The following SIPA1L1 variants were observed in gnomAD, a reference collection of about 807,000 sequenced individuals.
The protein encoded by SIPA1L1 is signal-induced proliferation-associated 1-like protein 1.
A neutral mutation model predicts 162.7 loss-of-function variants in SIPA1L1; 26 were observed. The ratio of observed to expected loss-of-function variants is 0.16; its 90% CI spans 0.12 to 0.22. SIPA1L1 has a LOEUF of 0.22. Ranked by LOEUF, SIPA1L1 falls within the 10% of genes least tolerant of loss-of-function variation. The pLI, the probability that SIPA1L1 is intolerant of heterozygous loss-of-function variation, is 1.00. For missense variants in SIPA1L1, 1,874 were observed against 2,241.0 expected (o/e 0.84, Z 3.31); for synonymous variants, 829 against 837.4 (o/e 0.99, Z 0.17).
In SIPA1L1 at chr14:71,491,951, T is replaced by C. The variant is rs996208310; in HGVS notation, c.-464-20792T>C. Among the ~76,000 whole-genome samples the C allele has an allele frequency of 1.3e-5, 2 of 152,074 alleles. 1 individual carries two copies. Among genetic ancestry groups the C allele is most frequent in the South Asian group, 4.2e-4 (2 of 4,816 alleles). On this transcript the variant is annotated intron_variant, in intron 2 of 23. Transcript: ENST00000381232. ...TCGGGTTGTGCGTGTGTGGGAAAAA[T>C]GCTGTCCTGTTTCTGCTAATCCAAG...
intron 2 of SIPA1L1, among the ~76,000 whole-genome samples, chr14:71,465,427 C>T (rs1008320697): frequency 2.0e-5 from 3 of 152,206 alleles, no homozygotes; most frequent in Admixed American, 6.5e-5. Flanking sequence ...AACTTAGGAG[C>T]AACCAACCAG....
chr14:71,646,103 G>C lies in SIPA1L1; in HGVS notation c.1819-4232G>C, dbSNP rs566657038. On this transcript the variant is annotated intron_variant, in intron 7 of 23. Transcript: ENST00000381232. Reference sequence around the variant, plus strand: ...CATCTCTTTCTTCTGGTACAGGGCTGTGACTTTATCGTCCATCTTTCCAGG... The same window carrying C: ...CATCTCTTTCTTCTGGTACAGGGCTCTGACTTTATCGTCCATCTTTCCAGG... Among the ~76,000 whole-genome samples the C allele has an allele frequency of 2.0e-5, 3 of 151,972 alleles. No individual in the cohort carries two copies. In the South Asian group the frequency reaches 6.2e-4, roughly 32 times the overall value.
chr14:71,676,652 T>C (rs1416785653), intron 12 of SIPA1L1, among the ~76,000 whole-genome samples: 1 of 118,578 alleles, frequency 8.4e-6, no homozygotes, highest in Non-Finnish European at 1.6e-5. Flanking sequence ...CAGGCCCCAG[T>C]GTGTGCTGTT....
chr14:71,479,382 T>C (rs968102583), intron 2 of SIPA1L1, among the ~76,000 whole-genome samples: 2 of 152,072 alleles, frequency 1.3e-5, no homozygotes, highest in African/African-American at 4.8e-5. Flanking sequence ...TGTGTGTATA[T>C]ATGTATGTAT....
At chr14:71,635,166 G>A (rs1312729926) in intron 7 of SIPA1L1, among the ~76,000 whole-genome samples, 1 of 150,802 alleles carries the variant, frequency 6.6e-6, no homozygotes, top group African/African-American at 2.4e-5. Context: ...ATAATCCCAG[G>A]TACTCGGGAG....
intron 2 of SIPA1L1, among the ~76,000 whole-genome samples, chr14:71,463,644 C>T (rs1426990377): frequency 6.6e-6 from 1 of 152,174 alleles, no homozygotes; most frequent in Non-Finnish European, 1.5e-5. Flanking sequence ...GGGACCCGGC[C>T]TCCCCTTCAT....
chr14:71,633,997 A>G (rs913878457), intron 7 of SIPA1L1, among the ~76,000 whole-genome samples: 1 of 152,126 alleles, frequency 6.6e-6, no homozygotes, highest in African/African-American at 2.4e-5. Context: ...CCCAAACAGT[A>G]TAAATCCAAA....
chr14:71,704,185 A>G (rs2082284785), intron 15 of SIPA1L1, among the ~76,000 whole-genome samples: 1 of 152,210 alleles, frequency 6.6e-6, no homozygotes, highest in Non-Finnish European at 1.5e-5. Context: ...CCTAACTGGC[A>G]CATCAGAAGG....
At chr14:71,670,911 A>G (rs1028988743) in intron 10 of SIPA1L1, among the ~76,000 whole-genome samples, 6 of 152,218 alleles carry the variant, frequency 3.9e-5, no homozygotes, top group African/African-American at 9.7e-5. Context: ...TTTTTGGCCT[A>G]GAAAAAAAAT....
At chr14:71,473,803 G>A (rs1236156614) in intron 2 of SIPA1L1, among the ~76,000 whole-genome samples, 1 of 152,172 alleles carries the variant, frequency 6.6e-6, no homozygotes, top group Non-Finnish European at 1.5e-5. Context: ...AAGGAGTCTA[G>A]AACTATGTTT....
chr14:71,406,969 C>T (rs1225208289), intron 2 of SIPA1L1, among the ~76,000 whole-genome samples: 1 of 152,128 alleles, frequency 6.6e-6, no homozygotes, highest in African/African-American at 2.4e-5. Context: ...TAGCTGGGCG[C>T]GGTGGCTCAC....
In SIPA1L1 at chr14:71,672,498, C is replaced by A; in HGVS notation, c.2980C>A (p.Leu994Met). ...WQAGLRQGSRLVEICKVAVAT... is the reference protein window; with the variant it reads ...WQAGLRQGSRMVEICKVAVAT... Reference sequence around the variant, plus strand: ...GGCAGGGCTGAGGCAGGGCAGTCGCCTGGTGGAGATCTGCAAGGTGGCGGT... The same window carrying A: ...GGCAGGGCTGAGGCAGGGCAGTCGCATGGTGGAGATCTGCAAGGTGGCGGT... Residue 994 changes from leucine (L) to methionine (M), a missense_variant, in exon 12 of 24, where the codon CTG (leucine) becomes ATG (methionine). This residue lies in a region of SIPA1L1 where 936 missense variants were observed against 1,051.9 expected (regional missense o/e 0.89). Coordinates refer to ENST00000381232, the MANE Select transcript of SIPA1L1 (RefSeq NM_001386936.1). 2 of 1,614,178 alleles carry A rather than the reference C, an allele frequency of 1.2e-6. No individual in the cohort carries two copies. The highest frequency in any genetic ancestry group is 1.7e-6 in the Non-Finnish European group (2 of 1,180,020).
intron 3 of SIPA1L1, among the ~76,000 whole-genome samples, chr14:71,519,253 T>G (rs2052054515): frequency 6.6e-6 from 1 of 151,846 alleles, no homozygotes; most frequent in African/African-American, 2.4e-5. Context: ...GAGCTGTGAT[T>G]GCACCACTGC....
intron 12 of SIPA1L1, among the ~76,000 whole-genome samples, chr14:71,677,937 G>A (rs1043017317): frequency 1.4e-4 from 22 of 152,142 alleles, no homozygotes; most frequent in Non-Finnish European, 7.4e-5. Flanking sequence ...TTTTTGCATA[G>A]GATTGTCTTG....
intron 13 of SIPA1L1, among the ~76,000 whole-genome samples, chr14:71,694,399 G>T (rs1448613143): frequency 1.3e-5 from 2 of 152,084 alleles, no homozygotes; most frequent in Admixed American, 6.6e-5. Context: ...TGAAAAGCTG[G>T]TGTTTAGTGT....
At chr14:71,409,151 G>C (rs2042230546) in intron 2 of SIPA1L1, among the ~76,000 whole-genome samples, 1 of 152,142 alleles carries the variant, frequency 6.6e-6, no homozygotes, top group Non-Finnish European at 1.5e-5. Context: ...TATATTCTTA[G>C]TTTTGCCCAT....
chr14:71,543,784 A>T (rs1401562214), intron 4 of SIPA1L1, among the ~76,000 whole-genome samples: 1 of 147,822 alleles, frequency 6.8e-6, no homozygotes, highest in Non-Finnish European at 1.5e-5. Context: ...GCTGATTTGT[A>T]AGATTATATA....
At chr14:71,544,448 C>T (rs759345012) in intron 4 of SIPA1L1, among the ~76,000 whole-genome samples, 7 of 151,892 alleles carry the variant, frequency 4.6e-5, no homozygotes, top group Non-Finnish European at 1.0e-4. Flanking sequence ...TTAACGATGT[C>T]TCTTGATGAA....
intron 4 of SIPA1L1, among the ~76,000 whole-genome samples, chr14:71,550,781 A>G (rs905411787): frequency 6.6e-6 from 1 of 152,094 alleles, no homozygotes; most frequent in Non-Finnish European, 1.5e-5. Context: ...CATGGTCAAC[A>G]AAGAATTATG....
Sources: allele counts gnomAD v4.1 joint callset (sites outside exome capture counted in the v4.1 genomes callset), GRCh38; gene constraint gnomAD v4.1.1; regional missense constraint gnomAD v4.1.1; transcripts MANE v1.5; gene names NCBI Gene and HGNC (gene_info 2026-07-23, HGNC 2026-07-21).